ZNF273: variants seen among roughly 807,000 people sequenced by gnomAD.
ZNF273 encodes zinc finger protein 273.
Under a neutral mutation model 14.9 loss-of-function variants are expected in ZNF273, and 11 were observed. The ratio of observed to expected loss-of-function variants is 0.74; its 90% CI spans 0.46 to 1.22. The LOEUF is 1.22. ZNF273 is among the 50% of genes most tolerant of loss of function. ZNF273 has a pLI of 0.00. For synonymous variants in ZNF273, 199 were observed against 223.9 expected, an observed-to-expected ratio of 0.89 and a Z score of 0.99; for missense variants, 577 against 660.6, an observed-to-expected ratio of 0.87 and a Z score of 1.39.
intron 1 of ZNF273, among the ~76,000 whole-genome samples, chr7:64,885,886 C>T (rs1791545946): frequency 6.6e-6 from 1 of 152,190 alleles, no homozygotes; most frequent in Non-Finnish European, 1.5e-5. Flanking sequence ...CTCTTTTCTT[C>T]CTAGACCAGC....
rs192366456 is a variant in ZNF273, at chr7:64,896,466, C to A, written n.489-882C>A. Among the ~76,000 whole-genome samples the A allele has an allele frequency of 3.9e-3, 591 of 151,974 alleles. 11 individuals carry two copies. Among genetic ancestry groups the A allele is most frequent in the African/African-American group, 0.014 (572 of 41,452 alleles). ...AATACAGAAACCCAGTCTGTTATTC[C>A]AGGAAAAATAATAAAATTCTTATTT... On this transcript the variant is annotated intron_variant and non_coding_transcript_variant, in intron 3 of 7. Coordinates refer to the ZNF273 transcript ENST00000527278.
intron 1 of ZNF273, among the ~76,000 whole-genome samples, chr7:64,908,024 A>AT (rs1793241090): frequency 6.6e-6 from 1 of 152,156 alleles, no homozygotes; most frequent in Non-Finnish European, 1.5e-5. Context: ...TGATCCTGGT[A>AT]TTTTTTGCCA....
chr7:64,912,826 G>GTTTTTTTTTTTT (rs71061324), intron 1 of ZNF273, among the ~76,000 whole-genome samples: 2,348 of 36,334 alleles, frequency 0.065, 553 homozygotes, highest in Non-Finnish European at 0.09. Context: ...ATTCATTTTA[G>GTTTTTTTTTTTT]TTTTTTTTTT....
downstream of ZNF273, chr7:64,889,810 C>A (rs34238742): frequency 0.45 from 437,287 of 974,380 alleles, 101,052 homozygotes; most frequent in South Asian, 0.5. The surrounding 1 kb of genome is among the most constrained non-coding windows in gnomAD (Gnocchi z 4.2). Flanking sequence ...ATTTAAAAAA[C>A]CTGAGGGTTA....
upstream of ZNF273, among the ~76,000 whole-genome samples, chr7:64,901,731 A>C (rs147963145): frequency 9.1e-3 from 1,391 of 152,290 alleles, 16 homozygotes; most frequent in African/African-American, 0.032. Flanking sequence ...CGGGCGGATC[A>C]CATGAGGTTG....
Position 64,929,256 on chromosome 7 carries a change from A to G in ZNF273, c.*218A>G, listed in dbSNP as rs1794917708. The G allele has an allele frequency of 2.8e-6, 1 of 361,162 alleles. No homozygotes were observed. Among genetic ancestry groups the G allele is most frequent in the Non-Finnish European group, 4.9e-6 (1 of 204,384 alleles). The allele number at this position is 361,162 out of a possible 1,614,324, so 22.4% of individuals were successfully genotyped here. On this transcript the variant is annotated 3_prime_UTR_variant, in exon 4 of 4. Coordinates refer to ENST00000476120, the MANE Select transcript of ZNF273 (RefSeq NM_021148.3). ...TATTTAATAAAAGCATTATCAATGAAATTACTGTCAAAAGATCTTTCAGAC... is the reference window on the plus strand; with the variant it reads ...TATTTAATAAAAGCATTATCAATGAGATTACTGTCAAAAGATCTTTCAGAC...
In ZNF273 at chr7:64,927,937, G is replaced by A. The variant is rs772292161; in HGVS notation, c.609G>A (p.Lys203=). ...SNIHKKRQTG[K]KPFKCKECGK... The stretch of plus-strand genomic sequence containing the variant: ...TACATAAGAAAAGACAAACTGGAAA[G>A]AAACCTTTCAAATGTAAAGAATGTG... The change falls in exon 4 of 4, where the codon AAG becomes AAA. Residue 203 remains lysine (K), a synonymous_variant. Coordinates refer to ENST00000476120, the MANE Select transcript of ZNF273 (RefSeq NM_021148.3). The A allele has an allele frequency of 3.4e-5, 55 of 1,613,408 alleles. No individual in the cohort carries two copies. The East Asian group carries it at 1.2e-3, about 35-fold the overall frequency.
chr7:64,932,758 C>T (rs1278373518), downstream of ZNF273, among the ~76,000 whole-genome samples: 1 of 152,002 alleles, frequency 6.6e-6, no homozygotes, highest in African/African-American at 2.4e-5. Context: ...CCTGTCTTTA[C>T]TAAAAATACA....
intron 1 of ZNF273, among the ~76,000 whole-genome samples, chr7:64,908,323 G>C (rs1793258009): frequency 1.3e-5 from 2 of 152,296 alleles, no homozygotes; most frequent in Admixed American, 1.3e-4. Flanking sequence ...GTGAGGCTTT[G>C]GTGTGCAGAT....
chr7:64,906,343 T>C (rs1163802746), intron 1 of ZNF273, among the ~76,000 whole-genome samples: 2 of 152,188 alleles, frequency 1.3e-5, no homozygotes, highest in Non-Finnish European at 2.9e-5. Context: ...GTTTACTACA[T>C]GATTTTTAAT....
At chr7:64,913,989 T>G (rs1217215736) in intron 1 of ZNF273, among the ~76,000 whole-genome samples, 1 of 151,938 alleles carries the variant, frequency 6.6e-6, no homozygotes, top group African/African-American at 2.4e-5. Context: ...ATTAGATTGG[T>G]GCAAAAGTAA....
At chr7:64,924,097 A>G (rs893915637) in intron 3 of ZNF273, 2 of 152,250 alleles carry the variant, frequency 1.3e-5, no homozygotes, top group African/African-American at 2.4e-5. Flanking sequence ...GAACAAAAGC[A>G]TGCTAAAGAA....
Position 64,928,675 on chromosome 7 carries a change from G to A in ZNF273, c.1347G>A (p.Lys449=), listed in dbSNP as rs374902884. 1.6e-5 allele frequency: 26 copies of A among 1,605,974 alleles called. No individual in the cohort carries two copies. The highest frequency in any genetic ancestry group is 2.0e-5 in the Non-Finnish European group (24 of 1,173,772). Residue 449 remains lysine, a synonymous_variant, in exon 4 of 4, where the codon AAG becomes AAA. Transcript: ENST00000476120. Reference sequence around the variant, plus strand: ...TATTCTCAACCCTTACTAAACATAAGATAATTCATACTGGAGCAAAACCTT... The same window carrying A: ...TATTCTCAACCCTTACTAAACATAAAATAATTCATACTGGAGCAAAACCTT... The part of the protein sequence containing the change: ...FSVFSTLTKH[K]IIHTGAKPYK...
intron 3 of ZNF273, among the ~76,000 whole-genome samples, chr7:64,895,465 CG>C (rs891650558): frequency 2.1e-3 from 321 of 152,154 alleles, no homozygotes; most frequent in African/African-American, 7.2e-3. Flanking sequence ...TGCCAGATTC[CG>C]ATTCACTAAC....
intron 3 of ZNF273, among the ~76,000 whole-genome samples, chr7:64,923,116 A>T (rs1794583842): frequency 6.6e-6 from 1 of 151,946 alleles, no homozygotes; most frequent in Non-Finnish European, 1.5e-5. Flanking sequence ...AACAACTACC[A>T]TTTTTTCCCG....
Position 64,928,331 on chromosome 7 carries a change from A to G in ZNF273, c.1003A>G (p.Lys335Glu), listed in dbSNP as rs1349878287. ...CTTTAGTATATTCTCAACCCTTACT[A>G]AACATAAGATAATTCATACTGGAGA... ...KGFSIFSTLT[K>E]HKIIHTGEKP... Residue 335 changes from lysine (K) to glutamate (E), a missense_variant, in exon 4 of 4, where the codon AAA becomes GAA. Coordinates refer to ENST00000476120, the MANE Select transcript of ZNF273 (RefSeq NM_021148.3). The G allele has an allele frequency of 4.3e-6, 7 of 1,613,542 alleles. No individual in the cohort carries two copies. The highest frequency in any genetic ancestry group is 2.7e-5 in the African/African-American group (2 of 74,920).
Position 64,923,561 on chromosome 7 carries a change from C to T in ZNF273, c.326-4093C>T, listed in dbSNP as rs112710859. 3.3e-3 allele frequency: 1,116 copies of T among 335,766 alleles called. 19 individuals are homozygous for T. Among genetic ancestry groups the T allele is most frequent in the African/African-American group, 0.022 (999 of 45,088 alleles). 20.8% of individuals were successfully genotyped at this position (335,766 alleles called of 1,614,324 possible). A position where few individuals can be genotyped will look rare whatever the true frequency, so the allele number is the denominator to read the frequency against. ...TTCACCATGTTGGCCAGGCTGGTCT[C>T]GAACGCCTGACCTCGTGTGATCCGC... On this transcript the variant is annotated intron_variant, in intron 3 of 3. Coordinates refer to ENST00000476120, the MANE Select transcript of ZNF273 (RefSeq NM_021148.3).
chr7:64,886,521 A>C (rs563183471), intron 1 of ZNF273, among the ~76,000 whole-genome samples: 18 of 152,366 alleles, frequency 1.2e-4, no homozygotes, highest in African/African-American at 3.8e-4. Flanking sequence ...CACCTGGTGC[A>C]GGGCTAAGAA....
chr7:64,903,108 T>G, upstream of ZNF273: 2 of 468,594 alleles, frequency 4.3e-6, no homozygotes, highest in East Asian at 4.3e-5. Context: ...TTAGGTTTCA[T>G]TCTATCTTCT....
Sources: allele counts gnomAD v4.1 joint callset (sites outside exome capture counted in the v4.1 genomes callset), GRCh38; gene constraint gnomAD v4.1.1; non-coding constraint Gnocchi (gnomAD v3.1); transcripts MANE v1.5; gene names NCBI Gene and HGNC (gene_info 2026-07-23, HGNC 2026-07-21).